The following PSAPL1 variants were observed in gnomAD, a reference collection of about 807,000 sequenced individuals.
PSAPL1 encodes the protein prosaposin like 1.
For synonymous variants in PSAPL1, 351 were observed against 291.6 expected (o/e 1.20, Z -2.08); for missense variants, 814 against 688.8 (o/e 1.18, Z -2.03).
chr4:7,433,814 G>A lies in PSAPL1; in HGVS notation c.1066C>T (p.Pro356Ser), dbSNP rs1727070919. 6.2e-7 allele frequency: 1 copy of A among 1,613,804 alleles called. No homozygotes were observed. The highest frequency in any genetic ancestry group is 1.1e-5 in the South Asian group (1 of 91,076). The change falls in exon 1 of 1, where the codon CCA (proline) becomes TCA (serine). Residue 356 changes from proline (P) to serine (S), a missense_variant. Transcript: ENST00000319098. Reference sequence around the variant, plus strand: ...CGGATGAACTTGCACACCTTCTCTGGGGTGATTTTGGCCACAAGCTGCACC... The same window carrying A: ...CGGATGAACTTGCACACCTTCTCTGAGGTGATTTTGGCCACAAGCTGCACC... ...SLVQLVAKITPEKVCKFIRLC... is the reference protein window; with the variant it reads ...SLVQLVAKITSEKVCKFIRLC...
At position 7,433,479 on chromosome 4, in the gene PSAPL1, C is replaced by T; in HGVS notation, c.1401G>A (p.Gly467=). 1 of 1,581,930 alleles carries T rather than the reference C, an allele frequency of 6.3e-7. No homozygotes were observed. The highest frequency in any genetic ancestry group is 8.6e-7 in the Non-Finnish European group (1 of 1,164,872). Residue 467 remains glycine (G), a synonymous_variant, in exon 1 of 1, where the codon GGG becomes GGA. Transcript: ENST00000319098. ...GTGGGGTCCTGGGGCCGTGGCAGGC[C>T]CCCACCTTCTTGCACACAGCCACGG... ...MDPVAVCKKV[G]ACHGPRTPLL...
At position 7,430,423 on chromosome 4, in the gene PSAPL1, C is replaced by G. The variant is rs1246133976; in HGVS notation, c.*2891G>C. The G allele has an allele frequency of 2.0e-5, 3 of 152,280 alleles. No homozygotes were observed. In the East Asian group the frequency reaches 5.8e-4, roughly 29 times the overall value. 9.4% of individuals were successfully genotyped at this position (152,280 alleles called of 1,614,324 possible). The stretch of plus-strand genomic sequence containing the variant: ...CAACAACAACAAAGCAGCTGGACCA[C>G]CAAGCCCTTTTCCAGGCTCCCACAG... On this transcript the variant is annotated 3_prime_UTR_variant, in exon 1 of 1. Transcript: ENST00000319098.
chr4:7,433,405 C>G lies in PSAPL1; in HGVS notation c.1475G>C (p.Ser492Thr), dbSNP rs764586181. The part of the protein sequence containing the change: ...CALGPSFWCR[S>T]QEAAKLCNAV... ...GTTGCACAGCTTGGCGGCCTCCTGGCTCCTGCACCAGAAGCTTGGGCCCAG... is the reference window on the plus strand; with the variant it reads ...GTTGCACAGCTTGGCGGCCTCCTGGGTCCTGCACCAGAAGCTTGGGCCCAG... The change falls in exon 1 of 1, where the codon AGC (serine) becomes ACC (threonine). Residue 492 changes from serine to threonine, a missense_variant. Transcript: ENST00000319098. 3.3e-6 allele frequency: 5 copies of G among 1,507,272 alleles called. No individual in the cohort carries two copies. In the South Asian group the frequency reaches 4.1e-5, roughly 12 times the overall value. 93.4% of individuals were successfully genotyped at this position (1,507,272 alleles called of 1,614,324 possible). A position where few individuals can be genotyped will look rare whatever the true frequency, so the allele number is the denominator to read the frequency against.
In PSAPL1 at chr4:7,433,573, A is replaced by G; in HGVS notation, c.1307T>C (p.Ile436Thr). The G allele has an allele frequency of 6.2e-7, 1 of 1,611,836 alleles. No individual in the cohort carries two copies. The highest frequency in any genetic ancestry group is 8.5e-7 in the Non-Finnish European group (1 of 1,179,214). Residue 436 changes from isoleucine (I) to threonine (T), a missense_variant, in exon 1 of 1, where the codon ATC becomes ACC. By Grantham distance (89) the Ile-to-Thr change is moderately conservative. Transcript: ENST00000319098. ...CTGGGTGACGAAGTGCTTGCACTGG[A>G]TCATATAGGGCAGCGGCAGGATGCT... The part of the protein sequence containing the change: ...GCSILPLPYM[I>T]QCKHFVTQYE...
At position 7,433,508 on chromosome 4, in the gene PSAPL1, C is replaced by A. The variant is rs1417395386; in HGVS notation, c.1372G>T (p.Asp458Tyr). The A allele has an allele frequency of 1.2e-6, 2 of 1,604,514 alleles. No individual in the cohort carries two copies. Among genetic ancestry groups the A allele is most frequent in the African/African-American group, 1.3e-5 (1 of 74,888 alleles). The change falls in exon 1 of 1, where the codon GAC becomes TAC. Residue 458 changes from aspartate to tyrosine, a missense_variant. Transcript: ENST00000319098. ...VLIESLKDMM[D>Y]PVAVCKKVGA... The stretch of plus-strand genomic sequence containing the variant: ...ACCTTCTTGCACACAGCCACGGGGT[C>A]CATCATGTCCTTGAGACTCTCAATG...
rs1305577859 is a variant in PSAPL1 at position 7,434,897 on chromosome 4, T to G, written c.-18A>C. On this transcript the variant is annotated 5_prime_UTR_variant, in exon 1 of 1. Coordinates refer to ENST00000319098, the MANE Select transcript of PSAPL1 (RefSeq NM_001085382.2). ...CACAGCATGCTGCCCAGGGACTCTC[T>G]GGCTCCAGAGTACCCAGCAGTGGCT... The G allele has an allele frequency of 1.3e-6, 2 of 1,531,656 alleles. No homozygotes were observed. The highest frequency in any genetic ancestry group is 2.8e-5 in the African/African-American group (2 of 72,572). The allele number at this position is 1,531,656 out of a possible 1,614,324, so 94.9% of individuals were successfully genotyped here. A position where few individuals can be genotyped will look rare whatever the true frequency, so the allele number is the denominator to read the frequency against.
In PSAPL1 at chr4:7,434,066, C is replaced by T. The variant is rs762818927; in HGVS notation, c.814G>A (p.Val272Ile). ...RLTQVVAMDG[V>I]PSLELGLPRK... is the part of the protein sequence containing the mutation. ...GGCAACCCCAGCTCCAGGGAGGGGACCCCGTCCATGGCCACTACTTGAGTC... is the reference window on the plus strand; with the variant it reads ...GGCAACCCCAGCTCCAGGGAGGGGATCCCGTCCATGGCCACTACTTGAGTC... Residue 272 changes from valine (V) to isoleucine (I), a missense_variant, in exon 1 of 1, where the codon GTC becomes ATC. Physicochemically the swap from Val to Ile is conservative, Grantham distance 29. Transcript: ENST00000319098. 6.2e-7 allele frequency: 1 copy of T among 1,611,212 alleles called. No individual in the cohort carries two copies. Among genetic ancestry groups the T allele is most frequent in the Non-Finnish European group, 8.5e-7 (1 of 1,177,994 alleles).
rs1158801756 is a variant in PSAPL1 at position 7,431,474 on chromosome 4, C to G, written c.*1840G>C. The G allele has an allele frequency of 6.6e-6, 1 of 152,254 alleles. No individual in the cohort carries two copies. Among genetic ancestry groups the G allele is most frequent in the African/African-American group, 2.4e-5 (1 of 41,456 alleles). The allele number at this position is 152,254 out of a possible 1,614,324, so 9.4% of individuals were successfully genotyped here. ...ACTCACAGCCAAGCCAGAGGAGGGC[C>G]TATGGCTCCATCCTGTCCCAGAGAG... On this transcript the variant is annotated 3_prime_UTR_variant, in exon 1 of 1. Coordinates refer to ENST00000319098, the MANE Select transcript of PSAPL1 (RefSeq NM_001085382.2).
Position 7,433,724 on chromosome 4 carries a change from C to G in PSAPL1, c.1156G>C (p.Glu386Gln). ...CTGCCCTGGTTCTCCGCGTCCCACT[C>G]TGGGGACGGCACGATGGCATAGGCA... ...HDAYAIVPSP[E>Q]WDAENQGSFC... Residue 386 changes from glutamate to glutamine, a missense_variant, in exon 1 of 1, where the codon GAG becomes CAG. By Grantham distance (29) the Glu-to-Gln change is conservative. Coordinates refer to ENST00000319098, the MANE Select transcript of PSAPL1 (RefSeq NM_001085382.2). 2 of 1,613,256 alleles carry G rather than the reference C, an allele frequency of 1.2e-6. No individual in the cohort carries two copies. The highest frequency in any genetic ancestry group is 2.7e-5 in the African/African-American group (2 of 75,052).
chr4:7,433,771 C>T lies in PSAPL1; in HGVS notation c.1109G>A (p.Arg370Lys). The T allele has an allele frequency of 1.9e-6, 3 of 1,613,536 alleles. No homozygotes were observed. Among genetic ancestry groups the T allele is most frequent in the Non-Finnish European group, 2.5e-6 (3 of 1,179,842 alleles). ...GGCATCATGGACTGCCCGGGCCCGC[C>T]TCCGGTTGCCACACAGACGGATGAA... ...CKFIRLCGNR[R>K]RARAVHDAYA... The change falls in exon 1 of 1, where the codon AGG becomes AAG. Residue 370 changes from arginine (R) to lysine (K), a missense_variant. Arg to Lys is a conservative substitution (Grantham distance 26). Coordinates refer to ENST00000319098, the MANE Select transcript of PSAPL1 (RefSeq NM_001085382.2).
chr4:7,433,848 G>T lies in PSAPL1; in HGVS notation c.1032C>A (p.Ser344Arg). The stretch of plus-strand genomic sequence containing the variant: ...TGGCCACAAGCTGCACCAAGGAGGG[G>T]CTGTAGGTGTCCACCAAGATGATGC... Reference protein sequence around the residue: ...KECIILVDTYSPSLVQLVAKI... With the variant: ...KECIILVDTYRPSLVQLVAKI... The change falls in exon 1 of 1, where the codon AGC becomes AGA. Residue 344 changes from serine (S) to arginine (R), a missense_variant. Physicochemically the swap from Ser to Arg is moderately radical, Grantham distance 110. Coordinates refer to ENST00000319098, the MANE Select transcript of PSAPL1 (RefSeq NM_001085382.2). 1 of 1,613,888 alleles carries T rather than the reference G, an allele frequency of 6.2e-7. No homozygotes were observed. Among genetic ancestry groups the T allele is most frequent in the Non-Finnish European group, 8.5e-7 (1 of 1,179,898 alleles).
chr4:7,433,390 T>C lies in PSAPL1; in HGVS notation c.1490A>G (p.Lys497Arg), dbSNP rs1202672193. 1 of 1,497,918 alleles carries C rather than the reference T, an allele frequency of 6.7e-7. No individual in the cohort carries two copies. Among genetic ancestry groups the C allele is most frequent in the Non-Finnish European group, 8.9e-7 (1 of 1,124,404 alleles). 92.8% of individuals were successfully genotyped at this position (1,497,918 alleles called of 1,614,324 possible). A position where few individuals can be genotyped will look rare whatever the true frequency, so the allele number is the denominator to read the frequency against. Residue 497 changes from lysine to arginine, a missense_variant, in exon 1 of 1, where the codon AAG (lysine) becomes AGG (arginine). Transcript: ENST00000319098. ...GCAGTGTTGCACAGCGTTGCACAGC[T>C]TGGCGGCCTCCTGGCTCCTGCACCA... is the stretch of plus-strand genomic sequence containing the variant. ...SFWCRSQEAA[K>R]LCNAVQHCQK...
At position 7,433,713 on chromosome 4, in the gene PSAPL1, C is replaced by T. The variant is rs377245502; in HGVS notation, c.1167G>A (p.Ala389=). ...YAIVPSPEWD[A]ENQGSFCNGC... ...CATTGCAGAAGCTGCCCTGGTTCTC[C>T]GCGTCCCACTCTGGGGACGGCACGA... Residue 389 remains alanine (A), a synonymous_variant, in exon 1 of 1, where the codon GCG becomes GCA. Transcript: ENST00000319098. The T allele has an allele frequency of 2.4e-4, 381 of 1,613,034 alleles. No individual in the cohort carries two copies. Among genetic ancestry groups the T allele is most frequent in the African/African-American group, 1.7e-3 (128 of 75,014 alleles).
Position 7,433,876 on chromosome 4 carries a change from T to A in PSAPL1, c.1004A>T (p.Glu335Val), listed in dbSNP as rs1323758877. ...GTAGGTGTCCACCAAGATGATGCAC[T>A]CCTTCGTGATAGAGGCAGGCATTAC... Reference protein sequence around the residue: ...CSVMPASITKECIILVDTYSP... With the variant: ...CSVMPASITKVCIILVDTYSP... The change falls in exon 1 of 1, where the codon GAG (glutamate) becomes GTG (valine). Residue 335 changes from glutamate to valine, a missense_variant. Glu to Val is a moderately radical substitution (Grantham distance 121). Transcript: ENST00000319098. The A allele has an allele frequency of 6.2e-7, 1 of 1,613,744 alleles. No individual in the cohort carries two copies. The highest frequency in any genetic ancestry group is 1.3e-5 in the African/African-American group (1 of 74,900).
Position 7,431,764 on chromosome 4 carries a change from C to G in PSAPL1, c.*1550G>C, listed in dbSNP as rs927694679. The stretch of plus-strand genomic sequence containing the variant: ...CAATAGGGGCCACTTCTGAGGCATC[C>G]AGAATCTCAGGCCCAGTGTGCCTGT... On this transcript the variant is annotated 3_prime_UTR_variant, in exon 1 of 1. Transcript: ENST00000319098. 1 of 152,230 alleles carries G rather than the reference C, an allele frequency of 6.6e-6. No individual in the cohort carries two copies. The highest frequency in any genetic ancestry group is 2.1e-4 in the South Asian group (1 of 4,830). The allele number at this position is 152,230 out of a possible 1,614,324, so 9.4% of individuals were successfully genotyped here.
At position 7,434,835 on chromosome 4, in the gene PSAPL1, G is replaced by C. The variant is rs1033821981; in HGVS notation, c.45C>G (p.Thr15=). The C allele has an allele frequency of 1.9e-6, 3 of 1,594,820 alleles. No individual in the cohort carries two copies. Among genetic ancestry groups the C allele is most frequent in the African/African-American group, 1.3e-5 (1 of 74,478 alleles). ...GGGGGCCTGAGGTGGGGCTGGCCCT[G>C]GTGGCCCCCAGGAGGCTGGGCAGGA... ...LLLLPSLLGA[T]RASPTSGPQE... The change falls in exon 1 of 1, where the codon ACC becomes ACG. Residue 15 remains threonine, a synonymous_variant. Transcript: ENST00000319098.
rs1349454389 is a variant in PSAPL1, at chr4:7,434,381, C to G, written c.499G>C (p.Ala167Pro). 1 of 1,607,274 alleles carries G rather than the reference C, an allele frequency of 6.2e-7. No individual in the cohort carries two copies. The highest frequency in any genetic ancestry group is 8.5e-7 in the Non-Finnish European group (1 of 1,177,408). The stretch of plus-strand genomic sequence containing the variant: ...GGGTGGAAGGTAAGGGGCCCATTGG[C>G]CATGAACGGAGCCACAGCCTCAAAG... ...DTFEAVAPFM[A>P]NGPLTFHPRQ... The change falls in exon 1 of 1, where the codon GCC becomes CCC. Residue 167 changes from alanine to proline, a missense_variant. Physicochemically the swap from Ala to Pro is conservative, Grantham distance 27. Coordinates refer to ENST00000319098, the MANE Select transcript of PSAPL1 (RefSeq NM_001085382.2).
Position 7,434,470 on chromosome 4 carries a change from A to G in PSAPL1, c.410T>C (p.Leu137Pro). 1.9e-6 allele frequency: 3 copies of G among 1,611,450 alleles called. No individual in the cohort carries two copies. Among genetic ancestry groups the G allele is most frequent in the Non-Finnish European group, 2.5e-6 (3 of 1,179,568 alleles). ...CCTCTGCAGCGGCTCACAGAGGCTG[A>G]GCGCTGTGCACACCTGTGCCGGGGC... ...DSAPAQVCTA[L>P]SLCEPLQRHL... is the part of the protein sequence containing the mutation. The change falls in exon 1 of 1, where the codon CTC becomes CCC. Residue 137 changes from leucine to proline, a missense_variant. Transcript: ENST00000319098.
At position 7,434,117 on chromosome 4, in the gene PSAPL1, C is replaced by T. The variant is rs1006844615; in HGVS notation, c.763G>A (p.Glu255Lys). The T allele has an allele frequency of 6.2e-7, 1 of 1,612,638 alleles. No homozygotes were observed. Among genetic ancestry groups the T allele is most frequent in the African/African-American group, 1.3e-5 (1 of 74,912 alleles). The change falls in exon 1 of 1, where the codon GAG becomes AAG. Residue 255 changes from glutamate to lysine, a missense_variant. Glu to Lys is a moderately conservative substitution (Grantham distance 56). Transcript: ENST00000319098. ...QELCRKGGFC[E>K]ELGAPARLTQ... ...AAACGGGCAGGTGCCCCTAGCTCCT[C>T]ACAGAATCCCCCCTTCCTGCAGAGC...
Sources: allele counts gnomAD v4.1 joint callset, GRCh38; gene constraint gnomAD v4.1.1; transcripts MANE v1.5; gene names NCBI Gene and HGNC (gene_info 2026-07-23, HGNC 2026-07-21).